TBC1D9B: variants seen among roughly 807,000 people sequenced by gnomAD.
The protein encoded by TBC1D9B is TBC1 domain family member 9B, also known as TBC1 domain family, member 9B (with GRAM domain).
A neutral mutation model predicts 121.1 loss-of-function variants in TBC1D9B; 87 were observed. The observed-to-expected ratio is 0.72, with a 90% CI of 0.60 to 0.86. The LOEUF is 0.86. Among genes scored for constraint, TBC1D9B ranks in the 40% least tolerant of loss-of-function variants. TBC1D9B has a pLI of 0.00. For missense variants in TBC1D9B, 1,540 were observed against 1,628.6 expected (o/e 0.95, Z 0.94); for synonymous variants, 668 against 670.1 (o/e 1.00, Z 0.05).
In TBC1D9B at chr5:179,875,927, C is replaced by G. The variant is rs530830753; in HGVS notation, c.1893G>C (p.Arg631Ser). Residue 631 changes from arginine (R) to serine (S), a missense_variant, in exon 11 of 21, where the codon AGG becomes AGC. By Grantham distance (110) the Arg-to-Ser change is moderately radical (BLOSUM62 -1). Coordinates refer to ENST00000355235, the MANE Select transcript of TBC1D9B (RefSeq NM_015043.4). This position sits in a 1 kb window ranked among gnomAD's most constrained non-coding sequence, Gnocchi z 4.5. Reference protein sequence around the residue: ...ERMLPDYYNTRVVGALVDQGI... With the variant: ...ERMLPDYYNTSVVGALVDQGI... ...GCACCCGGGGACACTCACCCACCAC[C>G]CTGGTGTTGTAGTAGTCGGGCAGCA... 67 of 1,606,038 alleles carry G rather than the reference C, an allele frequency of 4.2e-5. No individual in the cohort carries two copies. The highest frequency in any genetic ancestry group is 3.7e-4 in the Middle Eastern group (2 of 5,466).
In TBC1D9B at chr5:179,902,852, G is replaced by A. The variant is rs1038840880; in HGVS notation, c.229+1850C>T. On this transcript the variant is annotated intron_variant, in intron 2 of 20. Coordinates refer to ENST00000355235, the MANE Select transcript of TBC1D9B (RefSeq NM_015043.4). This position sits in a 1 kb window ranked among gnomAD's most constrained non-coding sequence, Gnocchi z 4.9. ...CACTCAGGCTCTGAAGCCAGAGATC[G>A]GGGGTCTAACTGGGCTTCCCTGCTT... 1.3e-5 allele frequency among the ~76,000 whole-genome samples: 2 copies of A among 152,146 alleles called. No homozygotes were observed. The highest frequency in any genetic ancestry group is 2.9e-5 in the Non-Finnish European group (2 of 68,022).
chr5:179,889,555 C>T (rs1418350450), intron 6 of TBC1D9B, among the ~76,000 whole-genome samples: 4 of 151,858 alleles, frequency 2.6e-5, no homozygotes, highest in Non-Finnish European at 5.9e-5. Flanking sequence ...TTGCTGGTTG[C>T]TGTGGGAGGA....
Position 179,864,145 on chromosome 5 carries a change from CAG to C in TBC1D9B, c.3022-19_3022-18del. 1 of 1,579,044 alleles carries C rather than the reference CAG, an allele frequency of 6.3e-7. No homozygotes were observed. The highest frequency in any genetic ancestry group is 8.6e-7 in the Non-Finnish European group (1 of 1,158,926). On this transcript the variant is annotated intron_variant, in intron 20 of 20. Coordinates refer to ENST00000355235, the MANE Select transcript of TBC1D9B (RefSeq NM_015043.4). The stretch of plus-strand genomic sequence containing the variant: ...GAACTGCTCCTTTTAGGGAGAAAAA[CAG>C]AAGAACAGGGAGATGGTAAAAGACC...
chr5:179,887,203 G>T (rs1431981368), intron 7 of TBC1D9B, among the ~76,000 whole-genome samples: 3 of 152,232 alleles, frequency 2.0e-5, no homozygotes, highest in Non-Finnish European at 2.9e-5. Context: ...GAATGAGCAT[G>T]CCGCTGGCCA....
At position 179,874,342 on chromosome 5, in the gene TBC1D9B, G is replaced by A. The variant is rs1199151635; in HGVS notation, c.2186+560C>T. 6.6e-6 allele frequency among the ~76,000 whole-genome samples: 1 copy of A among 152,144 alleles called. No individual in the cohort carries two copies. Among genetic ancestry groups the A allele is most frequent in the Non-Finnish European group, 1.5e-5 (1 of 68,010 alleles). On this transcript the variant is annotated intron_variant, in intron 12 of 20. Coordinates refer to ENST00000355235, the MANE Select transcript of TBC1D9B (RefSeq NM_015043.4). The surrounding 1 kb of genome is among the most constrained non-coding windows in gnomAD (Gnocchi z 4.3). The stretch of plus-strand genomic sequence containing the variant: ...GCCTGGGCTGAGGCAGCAGGCTGAA[G>A]GGAAGGGGCTGGATCCCAGACAGAA...
chr5:179,871,001 A>G (rs1760177708), intron 15 of TBC1D9B, among the ~76,000 whole-genome samples: 1 of 152,208 alleles, frequency 6.6e-6, no homozygotes, highest in Non-Finnish European at 1.5e-5. Context: ...GCACAAGGGA[A>G]AGAAAAATTC....
At position 179,862,303 on chromosome 5, in the gene TBC1D9B, A is replaced by G. The variant is rs1759865557; in HGVS notation, c.*1145T>C. The G allele has an allele frequency of 6.9e-6, 2 of 288,142 alleles. No homozygotes were observed. The highest frequency in any genetic ancestry group is 1.5e-5 in the Non-Finnish European group (2 of 136,966). The allele number at this position is 288,142 out of a possible 1,614,324, so 17.8% of individuals were successfully genotyped here. ...TTTTAGTAGAAGCAAGAGCAGCCCCATGTGGGGGCTAACACTGGACACTGG... is the reference window on the plus strand; with the variant it reads ...TTTTAGTAGAAGCAAGAGCAGCCCCGTGTGGGGGCTAACACTGGACACTGG... On this transcript the variant is annotated 3_prime_UTR_variant, in exon 21 of 21. Coordinates refer to ENST00000355235, the MANE Select transcript of TBC1D9B (RefSeq NM_015043.4).
At chr5:179,896,815 C>T (rs539501655) in intron 3 of TBC1D9B, among the ~76,000 whole-genome samples, 3 of 152,314 alleles carry the variant, frequency 2.0e-5, no homozygotes, top group African/African-American at 4.8e-5. Context: ...TGAGACACCA[C>T]GCCCAGCCCC....
At position 179,879,653 on chromosome 5, in the gene TBC1D9B, G is replaced by C. The variant is rs142247693; in HGVS notation, c.1391C>G (p.Pro464Arg). Residue 464 changes from proline (P) to arginine (R), a missense_variant, in exon 8 of 21, where the codon CCC (proline) becomes CGC (arginine). By Grantham distance (103) the Pro-to-Arg change is moderately radical (BLOSUM62 -2). Coordinates refer to ENST00000355235, the MANE Select transcript of TBC1D9B (RefSeq NM_015043.4). The part of the protein sequence containing the change: ...GLLKLFQKNS[P>R]MEDLGAKGAK... ...CCCCTTGGCTCCAAGGTCCTCCATG[G>C]GCGAGTTTTTCTGGAAGAGCTTCAG... 3.9e-4 allele frequency: 631 copies of C among 1,614,086 alleles called. 1 individual carries two copies. In the African/African-American group the frequency reaches 7.4e-3, roughly 19 times the overall value.
Position 179,874,758 on chromosome 5 carries a change from C to A in TBC1D9B, c.2186+144G>T, listed in dbSNP as rs1041248032. The A allele has an allele frequency of 8.3e-7, 1 of 1,209,004 alleles. No homozygotes were observed. Among genetic ancestry groups the A allele is most frequent in the Non-Finnish European group, 1.1e-6 (1 of 885,386 alleles). The allele number at this position is 1,209,004 out of a possible 1,614,324, so 74.9% of individuals were successfully genotyped here. On this transcript the variant is annotated intron_variant, in intron 12 of 20. Transcript: ENST00000355235. The surrounding 1 kb of genome is among the most constrained non-coding windows in gnomAD (Gnocchi z 4.3). ...TTCATCTCCCACTAGAAAGGAGCCG[C>A]CTCCTGACCCCAGAGCACCCCCGGG...
intron 14 of TBC1D9B, 99 bp from the exon 15 acceptor site, chr5:179,871,629 GTGTGA>G: frequency 1.5e-6 from 2 of 1,307,608 alleles, no homozygotes; most frequent in Non-Finnish European, 2.2e-6. Flanking sequence ...AAGGGCAAGG[GTGTGA>G]ACCGCCCTCT....
chr5:179,869,902 G>A, intron 16 of TBC1D9B, 68 bp from the exon 17 acceptor site: 1 of 1,413,850 alleles, frequency 7.1e-7, no homozygotes, highest in Non-Finnish European at 9.5e-7. Context: ...GGGGGTCCGA[G>A]TAGGACCCTC....
At chr5:179,880,952 C>T (rs1304567891) in intron 7 of TBC1D9B, among the ~76,000 whole-genome samples, 1 of 152,194 alleles carries the variant, frequency 6.6e-6, no homozygotes, top group Non-Finnish European at 1.5e-5. Flanking sequence ...CTAGGACACA[C>T]ACGGGCTCGC....
At position 179,875,040 on chromosome 5, in the gene TBC1D9B, C is replaced by T; in HGVS notation, c.2048G>A (p.Ser683Asn). ...TLFLSVMPFESAVVIVDCFFY... is the reference protein window; with the variant it reads ...TLFLSVMPFENAVVIVDCFFY... ...AAAGCAGTCGACGATGACCACGGCG[C>T]TCTCGAAGGGCATGACGCTGAGGAA... Residue 683 changes from serine (S) to asparagine (N), a missense_variant, in exon 12 of 21, where the codon AGC (serine) becomes AAC (asparagine). Transcript: ENST00000355235. This position sits in a 1 kb window ranked among gnomAD's most constrained non-coding sequence, Gnocchi z 4.5. 6.2e-7 allele frequency: 1 copy of T among 1,614,114 alleles called. No homozygotes were observed. Among genetic ancestry groups the T allele is most frequent in the Non-Finnish European group, 8.5e-7 (1 of 1,180,040 alleles).
Position 179,862,790 on chromosome 5 carries a change from G to A in TBC1D9B, c.*658C>T, listed in dbSNP as rs1759882326. ...GGCATTGAGCACAGTGTAATTTCTA[G>A]CCAAGTGAAATGAATCCAAGGAAAT... is the stretch of plus-strand genomic sequence containing the variant. On this transcript the variant is annotated 3_prime_UTR_variant, in exon 21 of 21. Transcript: ENST00000355235. 2 of 338,650 alleles carry A rather than the reference G, an allele frequency of 5.9e-6. No individual in the cohort carries two copies. Among genetic ancestry groups the A allele is most frequent in the African/African-American group, 2.1e-5 (1 of 46,578 alleles). 21.0% of individuals were successfully genotyped at this position (338,650 alleles called of 1,614,324 possible).
chr5:179,872,848 G>GCCCCCCCCCCCCCCACCCCCC, intron 14 of TBC1D9B, 44 bp downstream of exon 14: 1 of 1,457,256 alleles, frequency 6.9e-7, no homozygotes, highest in Non-Finnish European at 9.5e-7. Flanking sequence ...AGGCACTGCT[G>GCCCCCCCCCCCCCCACCCCCC]CCCCCCCAGC....
At chr5:179,867,673 C>T (rs1727384615) in intron 18 of TBC1D9B, 105 bp downstream of exon 18, 2 of 1,558,868 alleles carry the variant, frequency 1.3e-6, no homozygotes, top group Non-Finnish European at 1.8e-6. Flanking sequence ...CGGCCTGCTC[C>T]CTGAGCCCAG....
chr5:179,872,763 A>G, intron 14 of TBC1D9B, 129 bp downstream of exon 14: 1 of 839,332 alleles, frequency 1.2e-6, no homozygotes, highest in Non-Finnish European at 1.9e-6. Flanking sequence ...CATGAATCCT[A>G]CCATGATGTA....
At chr5:179,867,378 G>A (rs1486461473) in intron 18 of TBC1D9B, 5 of 1,465,362 alleles carry the variant, frequency 3.4e-6, no homozygotes, top group Non-Finnish European at 4.6e-6. Context: ...AGAGCTTCCA[G>A]GCTTCCTGAT....
Sources: gnomAD v4.1 joint callset for allele counts (sites outside exome capture counted in the v4.1 genomes callset) on GRCh38, gnomAD v4.1.1 for gene constraint, Gnocchi (gnomAD v3.1) non-coding constraint, MANE v1.5 for transcripts, NCBI Gene and HGNC (gene_info 2026-07-23, HGNC 2026-07-21) for gene names.